Variants in MTM1 observed in about 807,000 individuals in gnomAD.
MTM1 encodes the protein myotubularin 1.
MTM1 carries 9 observed loss-of-function variants against 52.1 expected under a neutral mutation model. The ratio of observed to expected loss-of-function variants is 0.17; its 90% confidence interval spans 0.10 to 0.30. MTM1 has a LOEUF of 0.30. MTM1 is among the 10% of genes least tolerant of loss of function. MTM1 has a pLI of 1.00. For synonymous variants in MTM1, 136 were observed against 163.8 expected, an observed-to-expected ratio of 0.83 and a Z score of 1.29; for missense variants, 277 against 470.7, an observed-to-expected ratio of 0.59 and a Z score of 3.81.
intron 14 of MTM1, among the ~76,000 whole-genome samples, chrX:150,668,998 C>T (rs938912313): frequency 9.0e-6 from 1 of 110,541 alleles, no homozygotes; most frequent in Non-Finnish European, 1.9e-5. Context: ...GTTTGCTGCA[C>T]CTATTGATCC....
rs184720233 is a variant in MTM1, at chrX:150,592,533, A to T, written c.-10-72A>T. 2,024 of 792,354 alleles carry T rather than the reference A, an allele frequency of 2.6e-3. 2 individuals carry two copies. The highest frequency in any genetic ancestry group is 3.0e-3 in the Non-Finnish European group (1,569 of 517,595). 65.3% of individuals were successfully genotyped at this position (792,354 alleles called of 1,213,427 possible). The stretch of plus-strand genomic sequence containing the variant: ...CGTTTGCTCTCAGTTGCCATATTTA[A>T]GTCTCAGATGTCACATATGTTTGAA... On this transcript the variant is annotated intron_variant, in intron 1 of 14. Coordinates refer to ENST00000370396, the MANE Select transcript of MTM1 (RefSeq NM_000252.3).
At chrX:150,596,010 T>C (rs1206207583) in intron 2 of MTM1, among the ~76,000 whole-genome samples, 1 of 60,825 alleles carries the variant, frequency 1.6e-5, no homozygotes, top group Non-Finnish European at 3.1e-5. Flanking sequence ...CTTAGTGAAA[T>C]AGGAAACGCA....
chrX:150,574,612 C>T (rs2038437263), intron 1 of MTM1, among the ~76,000 whole-genome samples: 1 of 112,184 alleles, frequency 8.9e-6, no homozygotes, highest in African/African-American at 3.2e-5. Flanking sequence ...TTCAATGTGT[C>T]ATCGACATAA....
chrX:150,651,488 T>G (rs1027540623), intron 10 of MTM1, among the ~76,000 whole-genome samples: 1 of 104,838 alleles, frequency 9.5e-6, no homozygotes, highest in African/African-American at 3.4e-5. Context: ...TTAGGTTGTT[T>G]TTTTTTTTTT....
chrX:150,591,639 A>G (rs2038887509), intron 1 of MTM1, among the ~76,000 whole-genome samples: 1 of 112,910 alleles, frequency 8.9e-6, no homozygotes. Context: ...CCACTATTGG[A>G]ACGCTAAGCT....
In MTM1 at chrX:150,608,942, G is replaced by A. The variant is rs113531544; in HGVS notation, c.232-5647G>A. Among the ~76,000 whole-genome samples, 1,025 of 110,678 alleles carry A rather than the reference G, an allele frequency of 9.3e-3. 18 individuals carry two copies. Among genetic ancestry groups the A allele is most frequent in the African/African-American group, 0.032 (972 of 30,372 alleles). On this transcript the variant is annotated intron_variant, in intron 4 of 14. Coordinates refer to ENST00000370396, the MANE Select transcript of MTM1 (RefSeq NM_000252.3). ...CCTCCCGTGTTCAAGCAATTCTCTT[G>A]CCTCAGCCTCCCGAGTAGCTGGGAT...
At chrX:150,621,687 A>T (rs1307709916) in intron 6 of MTM1, among the ~76,000 whole-genome samples, 1 of 111,127 alleles carries the variant, frequency 9.0e-6, no homozygotes, top group African/African-American at 3.3e-5. Context: ...AGCCTTCAAC[A>T]TCTTAATCTG....
chrX:150,606,940 T>TTCCCTCCCTTCCCTC (rs2039174562), intron 4 of MTM1, among the ~76,000 whole-genome samples: 1 of 24,062 alleles, frequency 4.2e-5, no homozygotes, highest in Non-Finnish European at 8.7e-5. Flanking sequence ...TCCCTTCCCT[T>TTCCCTCCCTTCCCTC]CCCTCCCCTC....
intron 4 of MTM1, among the ~76,000 whole-genome samples, chrX:150,602,585 A>C (rs2039085742): frequency 8.9e-6 from 1 of 112,167 alleles, no homozygotes; most frequent in Non-Finnish European, 1.9e-5. Flanking sequence ...TGGCATCTTG[A>C]ATACTAACAT....
intron 3 of MTM1, among the ~76,000 whole-genome samples, chrX:150,598,033 G>C (rs1362823699): frequency 9.0e-6 from 1 of 111,698 alleles, no homozygotes; most frequent in Non-Finnish European, 1.9e-5. Flanking sequence ...GCTGCAGTGA[G>C]CCATGATTGT....
At chrX:150,667,899 C>G (rs1210187312) in intron 14 of MTM1, among the ~76,000 whole-genome samples, 1 of 112,289 alleles carries the variant, frequency 8.9e-6, no homozygotes, top group Non-Finnish European at 1.9e-5. Context: ...CCCCAAAGGA[C>G]AGCGACCCAC....
At chrX:150,564,531 C>T (rs192990914), upstream of MTM1, among the ~76,000 whole-genome samples, 205 of 110,884 alleles carry the variant, frequency 1.8e-3, 1 homozygote, top group African/African-American at 6.3e-3. Flanking sequence ...TACAGGTGCA[C>T]GCCACCAAGG....
intron 6 of MTM1, among the ~76,000 whole-genome samples, chrX:150,624,551 T>C (rs1056072001): frequency 1.8e-5 from 2 of 112,190 alleles, no homozygotes; most frequent in Non-Finnish European, 1.9e-5. Flanking sequence ...TTTACTCAGA[T>C]GGGATAATCA....
intron 5 of MTM1, among the ~76,000 whole-genome samples, chrX:150,616,232 A>G (rs1283758939): frequency 8.9e-6 from 1 of 112,082 alleles, no homozygotes; most frequent in East Asian, 2.8e-4. Flanking sequence ...TTACATATGT[A>G]TATTTTTTGG....
intron 10 of MTM1, among the ~76,000 whole-genome samples, 170 bp from the exon 11 acceptor site, chrX:150,657,651 G>A (rs781907317): frequency 9.0e-6 from 1 of 111,725 alleles, no homozygotes; most frequent in South Asian, 3.8e-4. Flanking sequence ...AACAAATGCA[G>A]CGTCTGTAGA....
intron 14 of MTM1, among the ~76,000 whole-genome samples, chrX:150,664,187 C>G (rs2040268521): frequency 8.9e-6 from 1 of 112,785 alleles, no homozygotes. Context: ...ATTCTCCCAC[C>G]TCCACTCCAT....
chrX:150,615,335 G>A (rs1443891070), intron 5 of MTM1, among the ~76,000 whole-genome samples: 5 of 111,665 alleles, frequency 4.5e-5, no homozygotes, highest in East Asian at 2.8e-4. Context: ...CAAGCGTCTC[G>A]TGTGACTATG....
In MTM1 at chrX:150,658,023, C is replaced by G; in HGVS notation, c.1256C>G (p.Ala419Gly). 8.4e-7 allele frequency: 1 copy of G among 1,192,898 alleles called. No homozygotes were observed. Among genetic ancestry groups the G allele is most frequent in the East Asian group, 3.0e-5 (1 of 33,778 alleles). ...KEWISFGHKF[A>G]SRIGHGDKNH... ...TGGATAAGTTTTGGACATAAATTTG[C>G]ATCTGTGAGTAAACAAAGCTAATTT... Residue 419 changes from alanine (A) to glycine (G), a missense_variant, in exon 11 of 15, where the codon GCA (alanine) becomes GGA (glycine). By Grantham distance (60) the Ala-to-Gly change is moderately conservative. Around this residue, in one of 4 missense-constraint regions of MTM1, gnomAD observed 59 missense variants for 107.8 expected, o/e 0.55. Transcript: ENST00000370396.
At chrX:150,600,207 A>G (rs782745617) in intron 4 of MTM1, among the ~76,000 whole-genome samples, 1 of 111,720 alleles carries the variant, frequency 9.0e-6, no homozygotes, top group East Asian at 2.8e-4. Flanking sequence ...TGCATTTCCA[A>G]TGTATGAAAA....
Sources: allele counts gnomAD v4.1 joint callset (sites outside exome capture counted in the v4.1 genomes callset), GRCh38; gene constraint gnomAD v4.1.1; regional missense constraint gnomAD v4.1.1; transcripts MANE v1.5; gene names NCBI Gene and HGNC (gene_info 2026-07-23, HGNC 2026-07-21).